Variants in SDK2 observed in about 807,000 individuals in gnomAD.
The protein encoded by SDK2 is sidekick cell adhesion molecule 2.
SDK2 carries 105 observed loss-of-function variants against 253.9 expected under a neutral mutation model. That is an observed-to-expected ratio of 0.41 (90% CI 0.35 to 0.49). The LOEUF (loss-of-function observed/expected upper bound fraction) is 0.49, where lower values mean the gene tolerates loss of function less well. Among genes scored for constraint, SDK2 ranks in the 20% least tolerant of loss-of-function variants. The pLI, the probability that SDK2 is intolerant of heterozygous loss-of-function variation, is 0.06. For missense variants in SDK2, 2,608 were observed against 3,003.0 expected (o/e 0.87, Z 3.07); for synonymous variants, 1,249 against 1,234.9 (o/e 1.01, Z -0.24).
rs61050632 is a variant in SDK2, at chr17:73,483,661, GTATATATATATATATATA to G, written c.225-11461_225-11444del. 1.3e-3 allele frequency among the ~76,000 whole-genome samples: 92 copies of G among 70,180 alleles called. 1 individual carries two copies. Among genetic ancestry groups the G allele is most frequent in the African/African-American group, 3.2e-3 (52 of 16,054 alleles). 46.0% of individuals were successfully genotyped at this position (70,180 alleles called of 152,430 possible). A position where few individuals can be genotyped will look rare whatever the true frequency, so the allele number is the denominator to read the frequency against. On this transcript the variant is annotated intron_variant, in intron 2 of 44. Coordinates refer to ENST00000392650, the MANE Select transcript of SDK2 (RefSeq NM_001144952.2). ...TATATATGTGTGTGTGTGTGTGTGT[GTATATATATATATATATA>G]TATTTATATATATATATATATATAT...
chr17:73,549,956 A>G (rs1343844770), intron 1 of SDK2, among the ~76,000 whole-genome samples: 1 of 151,974 alleles, frequency 6.6e-6, no homozygotes, highest in South Asian at 2.1e-4. Flanking sequence ...CTGGAATGAG[A>G]CTGTGGGTGA....
Position 73,378,830 on chromosome 17 carries a change from GGTCTTAA to G in SDK2, c.4980+340_4980+346del, listed in dbSNP as rs532169087. ...TTATGGGGCCAAAAGCCCCTTGGAG[GGTCTTAA>G]GTTATGTATGGGGTTGGGGGCTGGT... On this transcript the variant is annotated intron_variant, in intron 36 of 44. Coordinates refer to ENST00000392650, the MANE Select transcript of SDK2 (RefSeq NM_001144952.2). 5.2e-3 allele frequency among the ~76,000 whole-genome samples: 795 copies of G among 152,264 alleles called. 7 individuals carry two copies. The highest frequency in any genetic ancestry group is 0.018 in the African/African-American group (756 of 41,562).
chr17:73,421,731 T>G (rs1203127964), intron 15 of SDK2, among the ~76,000 whole-genome samples: 1 of 151,510 alleles, frequency 6.6e-6, no homozygotes, highest in Non-Finnish European at 1.5e-5. Flanking sequence ...CCAGCTAATT[T>G]TCATATTTTA....
intron 7 of SDK2, 28 bp from the exon 8 acceptor site, chr17:73,437,850 G>A (rs2145624865): frequency 1.9e-6 from 3 of 1,611,300 alleles, no homozygotes; most frequent in Non-Finnish European, 2.5e-6. Context: ...AGGGGAGGGG[G>A]TCAGAGCCAT....
At chr17:73,353,463 C>G (rs2062557009) in intron 40 of SDK2, among the ~76,000 whole-genome samples, 1 of 152,156 alleles carries the variant, frequency 6.6e-6, no homozygotes, top group Admixed American at 6.5e-5. Flanking sequence ...TCTTGTTGCC[C>G]AGGCTGGAGT....
intron 3 of SDK2, among the ~76,000 whole-genome samples, chr17:73,469,669 T>A (rs549968657): frequency 2.0e-5 from 3 of 151,506 alleles, no homozygotes; most frequent in Admixed American, 6.6e-5. Flanking sequence ...GTGGAGGGAG[T>A]TCCCCCCACC....
At chr17:73,512,224 T>C (rs1286104951) in intron 1 of SDK2, among the ~76,000 whole-genome samples, 2 of 152,190 alleles carry the variant, frequency 1.3e-5, no homozygotes, top group African/African-American at 2.4e-5. Context: ...GAAGATTAAA[T>C]ACATTAATAA....
At chr17:73,393,415 T>A in intron 27 of SDK2, 145 bp downstream of exon 27, 1 of 593,640 alleles carries the variant, frequency 1.7e-6, no homozygotes, top group Non-Finnish European at 2.7e-6. Flanking sequence ...GGCTGGTAGC[T>A]CTGGGTGACC....
rs918525976 is a variant in SDK2 at position 73,511,553 on chromosome 17, A to C, written c.65-3956T>G. ...AATGACTCTGGGGAGGAGGAGAGGG[A>C]AGGGGAGGCCTTTCCCTGAGAGCCT... On this transcript the variant is annotated intron_variant, in intron 1 of 44. Coordinates refer to ENST00000392650, the MANE Select transcript of SDK2 (RefSeq NM_001144952.2). This position sits in a 1 kb window ranked among gnomAD's most constrained non-coding sequence, Gnocchi z 4.9. Among the ~76,000 whole-genome samples, 3 of 152,000 alleles carry C rather than the reference A, an allele frequency of 2.0e-5. No homozygotes were observed. The highest frequency in any genetic ancestry group is 7.2e-5 in the African/African-American group (3 of 41,382).
chr17:73,599,651 G>A (rs992578515), intron 1 of SDK2, among the ~76,000 whole-genome samples: 1 of 152,062 alleles, frequency 6.6e-6, no homozygotes, highest in Non-Finnish European at 1.5e-5. Context: ...AGGAGGGAGG[G>A]AGGGGAACAC....
At chr17:73,535,870 G>C (rs1044450683) in intron 1 of SDK2, among the ~76,000 whole-genome samples, 1 of 152,130 alleles carries the variant, frequency 6.6e-6, no homozygotes, top group Non-Finnish European at 1.5e-5. Flanking sequence ...TTGTTCATGT[G>C]GGGAGAAGGC....
At chr17:73,543,006 G>GC (rs1307841441) in intron 1 of SDK2, among the ~76,000 whole-genome samples, 1 of 152,096 alleles carries the variant, frequency 6.6e-6, no homozygotes, top group African/African-American at 2.4e-5. Context: ...TCTAGGCCAC[G>GC]CCCCCTCTGC....
Position 73,377,681 on chromosome 17 carries a change from C to T in SDK2, c.4980+1496G>A, listed in dbSNP as rs1262889380. 5.5e-5 allele frequency among the ~76,000 whole-genome samples: 8 copies of T among 144,864 alleles called. No homozygotes were observed. The Middle Eastern group carries it at 0.012, about 221-fold the overall frequency. ...TGGCTGGAGTGCAATGGTGCAATCT[C>T]GGCTCACTGCAACCTCCCTCTCCCA... On this transcript the variant is annotated intron_variant, in intron 36 of 44. Transcript: ENST00000392650.
intron 12 of SDK2, among the ~76,000 whole-genome samples, chr17:73,430,029 C>T (rs758581399): frequency 1.3e-4 from 20 of 152,176 alleles, no homozygotes; most frequent in Non-Finnish European, 1.9e-4. Flanking sequence ...GCAGGGTCCC[C>T]CCAGGGGTCA....
At chr17:73,572,519 A>T (rs9903949) in intron 1 of SDK2, among the ~76,000 whole-genome samples, 55,873 of 150,716 alleles carry the variant, frequency 0.37, 10,991 homozygotes, top group African/African-American at 0.53. Flanking sequence ...CCAGCTCTTC[A>T]CCTTCTTAGC....
chr17:73,409,868 T>C (rs1359257434), intron 18 of SDK2, among the ~76,000 whole-genome samples: 1 of 151,168 alleles, frequency 6.6e-6, no homozygotes, highest in Non-Finnish European at 1.5e-5. Flanking sequence ...TCTCTTTCTT[T>C]TTTTGACACA....
chr17:73,536,628 G>A (rs898210332), intron 1 of SDK2, among the ~76,000 whole-genome samples: 2 of 152,326 alleles, frequency 1.3e-5, no homozygotes, highest in East Asian at 1.9e-4. Context: ...AGCAGAACAC[G>A]CTGCCCCCAC....
At chr17:73,591,130 G>A (rs2045676557) in intron 1 of SDK2, among the ~76,000 whole-genome samples, 1 of 152,196 alleles carries the variant, frequency 6.6e-6, no homozygotes, top group Non-Finnish European at 1.5e-5. Flanking sequence ...ATGTTGGCCA[G>A]GCTGGTCTCA....
At position 73,379,949 on chromosome 17, in the gene SDK2, C is replaced by A. The variant is rs540820542; in HGVS notation, c.4763-400G>T. On this transcript the variant is annotated intron_variant, in intron 34 of 44. Transcript: ENST00000392650. The surrounding 1 kb of genome is among the most constrained non-coding windows in gnomAD (Gnocchi z 4.5). ...CGTGACAGATGCCCAGAGTCCCCAT[C>A]CACCAACTCTTTACACAGCGGGGCT... 6.6e-6 allele frequency among the ~76,000 whole-genome samples: 1 copy of A among 152,154 alleles called. No homozygotes were observed. Among genetic ancestry groups the A allele is most frequent in the Non-Finnish European group, 1.5e-5 (1 of 68,024 alleles).
Sources: allele counts gnomAD v4.1 joint callset (sites outside exome capture counted in the v4.1 genomes callset), GRCh38; gene constraint gnomAD v4.1.1; non-coding constraint Gnocchi (gnomAD v3.1); transcripts MANE v1.5; gene names NCBI Gene and HGNC (gene_info 2026-07-23, HGNC 2026-07-21).